The following PRIM2 variants were observed in gnomAD, a reference collection of about 807,000 sequenced individuals.
PRIM2 encodes the protein DNA primase subunit 2.
In PRIM2, 39 loss-of-function variants were observed where a neutral mutation model predicts 67.3. The ratio of observed to expected loss-of-function variants is 0.58; its 90% confidence interval spans 0.45 to 0.76. PRIM2 has a LOEUF of 0.76. PRIM2 is among the 30% of genes least tolerant of loss of function. The probability of loss-of-function intolerance (pLI) is 0.00; values close to 1 mark genes in which losing one functional copy is unlikely to be tolerated. For missense variants in PRIM2, 398 were observed against 598.7 expected, an observed-to-expected ratio of 0.66 and a Z score of 3.50; for synonymous variants, 143 against 198.7, an observed-to-expected ratio of 0.72 and a Z score of 2.36.
intron 5 of PRIM2, among the ~76,000 whole-genome samples, chr6:57,345,296 T>G (rs1332300385): frequency 6.6e-6 from 1 of 152,046 alleles, no homozygotes; most frequent in African/African-American, 2.4e-5. Flanking sequence ...TAGCTGGAAT[T>G]GCAGGCATGC....
intron 7 of PRIM2, among the ~76,000 whole-genome samples, chr6:57,410,002 C>T (rs773578161): frequency 4.0e-5 from 6 of 151,248 alleles, no homozygotes; most frequent in African/African-American, 1.2e-4. Flanking sequence ...TTGTTGGTTT[C>T]CTTGTTGGTT....
the PRIM2 span, among the ~76,000 whole-genome samples, chr6:57,279,785 G>C: frequency 1.3e-5 from 2 of 152,284 alleles, no homozygotes; most frequent in South Asian, 4.2e-4. Context: ...ATTAATGTGT[G>C]ATAAATGCAA....
At chr6:57,271,110 C>T in the PRIM2 span, among the ~76,000 whole-genome samples, 1 of 152,178 alleles carries the variant, frequency 6.6e-6, no homozygotes. Flanking sequence ...TTGTCTCTGA[C>T]AGGCTTTGGT....
the PRIM2 span, among the ~76,000 whole-genome samples, chr6:57,240,926 T>C: frequency 6.6e-6 from 1 of 151,632 alleles, no homozygotes; most frequent in African/African-American, 2.4e-5. Flanking sequence ...TCATCTCTAC[T>C]AAAAATAGAA....
chr6:57,643,033 AT>A (rs1240806117), intron 13 of PRIM2, among the ~76,000 whole-genome samples: 10 of 151,708 alleles, frequency 6.6e-5, no homozygotes, highest in Non-Finnish European at 1.0e-4. Context: ...TCATAGAACA[AT>A]TTTTTTTAAC....
chr6:57,399,105 T>A (rs929092708), intron 7 of PRIM2, among the ~76,000 whole-genome samples: 11 of 152,158 alleles, frequency 7.2e-5, no homozygotes, highest in Non-Finnish European at 1.3e-4. Flanking sequence ...GTTTGTTACA[T>A]ATGTATACAT....
chr6:57,639,751 CA>C (rs1240205960), intron 13 of PRIM2, among the ~76,000 whole-genome samples: 159 of 137,904 alleles, frequency 1.2e-3, no homozygotes, highest in Middle Eastern at 3.5e-3. Flanking sequence ...GCCTATCAAC[CA>C]AAAAAAAAAA....
At chr6:57,629,223 C>A (rs1777004103) in intron 12 of PRIM2, among the ~76,000 whole-genome samples, 1 of 152,158 alleles carries the variant, frequency 6.6e-6, no homozygotes, top group Non-Finnish European at 1.5e-5. Flanking sequence ...ATCAGAATCA[C>A]TTGGGAAGAT....
chr6:57,241,839 AT>A, the PRIM2 span, among the ~76,000 whole-genome samples: 5 of 148,308 alleles, frequency 3.4e-5, no homozygotes, highest in Non-Finnish European at 7.5e-5. Context: ...CGCCTGGCTA[AT>A]TTTTTGTATT....
At chr6:57,402,423 TG>T (rs1770744809) in intron 7 of PRIM2, among the ~76,000 whole-genome samples, 1 of 152,022 alleles carries the variant, frequency 6.6e-6, no homozygotes, top group Non-Finnish European at 1.5e-5. Flanking sequence ...CTCTTTGTAG[TG>T]GGGGGAGCTA....
intron 12 of PRIM2, among the ~76,000 whole-genome samples, chr6:57,624,180 A>G (rs1331138607): frequency 2.6e-5 from 4 of 152,114 alleles, no homozygotes; most frequent in South Asian, 2.1e-4. Flanking sequence ...GTTTGACAAC[A>G]TGTTTCTCCG....
intron 13 of PRIM2, among the ~76,000 whole-genome samples, chr6:57,636,720 A>G (rs1201226233): frequency 6.6e-6 from 1 of 152,220 alleles, no homozygotes; most frequent in African/African-American, 2.4e-5. Flanking sequence ...GTTAATAAAA[A>G]AAGATTAATT....
At chr6:57,515,029 T>C (rs1554348094) in intron 8 of PRIM2, among the ~76,000 whole-genome samples, 2 of 152,176 alleles carry the variant, frequency 1.3e-5, no homozygotes, top group Non-Finnish European at 2.9e-5. Flanking sequence ...TCACAATATA[T>C]AAAATCATCT....
chr6:57,616,950 A>G (rs1165609704), intron 12 of PRIM2, among the ~76,000 whole-genome samples: 2 of 152,198 alleles, frequency 1.3e-5, no homozygotes, highest in African/African-American at 4.8e-5. Context: ...TGTTCTTTTG[A>G]ATGGCTGAAT....
At chr6:57,418,383 G>GTTTTTTTTTTT (rs34491627) in intron 7 of PRIM2, among the ~76,000 whole-genome samples, 17 of 47,226 alleles carry the variant, frequency 3.6e-4, no homozygotes, top group South Asian at 1.0e-3. Context: ...TATGTGTGTG[G>GTTTTTTTTTTT]TTTTTTTTTT....
At chr6:57,330,352 T>TC (rs1768011350) in intron 5 of PRIM2, among the ~76,000 whole-genome samples, 1 of 117,108 alleles carries the variant, frequency 8.5e-6, no homozygotes, top group South Asian at 3.0e-4. Flanking sequence ...GAACTTGTTT[T>TC]TTTTTTTTGT....
At chr6:57,442,298 A>G (rs376553158) in intron 7 of PRIM2, among the ~76,000 whole-genome samples, 1 of 152,122 alleles carries the variant, frequency 6.6e-6, no homozygotes, top group Non-Finnish European at 1.5e-5. Context: ...GTTAGTTAAC[A>G]TTGTAGCAGA....
chr6:57,356,395 A>G (rs996859755), intron 5 of PRIM2, among the ~76,000 whole-genome samples: 1 of 152,202 alleles, frequency 6.6e-6, no homozygotes, highest in Non-Finnish European at 1.5e-5. Context: ...ATTTGTTACC[A>G]TTCTAGCTTT....
At chr6:57,479,363 A>G (rs1192814370) in intron 7 of PRIM2, among the ~76,000 whole-genome samples, 1 of 152,090 alleles carries the variant, frequency 6.6e-6, no homozygotes, top group African/African-American at 2.4e-5. Context: ...CTAAAAAAAA[A>G]GCATCAAACT....
Sources: allele counts gnomAD v4.1 joint callset (sites outside exome capture counted in the v4.1 genomes callset), GRCh38; gene constraint gnomAD v4.1.1; transcripts MANE v1.5; gene names NCBI Gene and HGNC (gene_info 2026-07-23, HGNC 2026-07-21).